Variants in BCKDHB observed in about 807,000 individuals in gnomAD.
The protein encoded by BCKDHB is 2-oxoisovalerate dehydrogenase subunit beta, mitochondrial.
Under a neutral mutation model 48.5 loss-of-function variants are expected in BCKDHB, and 41 were observed. That is an observed-to-expected ratio of 0.85 (90% CI 0.66 to 1.10). BCKDHB has a LOEUF of 1.10. BCKDHB is among the 50% of genes least tolerant of loss of function. The pLI is 0.00. For synonymous variants in BCKDHB, 201 were observed against 174.8 expected, an observed-to-expected ratio of 1.15 and a Z score of -1.18; for missense variants, 496 against 494.2, an observed-to-expected ratio of 1.00 and a Z score of -0.03.
the BCKDHB span, among the ~76,000 whole-genome samples, chr6:80,369,196 G>A: frequency 7.6e-5 from 11 of 144,214 alleles, no homozygotes; most frequent in African/African-American, 2.8e-4. Context: ...TCCCACTCTG[G>A]GTAGGCCATG....
At chr6:80,290,794 G>A (rs1766870324) in intron 9 of BCKDHB, among the ~76,000 whole-genome samples, 1 of 152,240 alleles carries the variant, frequency 6.6e-6, no homozygotes, top group African/African-American at 2.4e-5. Flanking sequence ...AGACAGAGCA[G>A]CCCCAAGGGC....
At chr6:80,361,893 C>T in the BCKDHB span, among the ~76,000 whole-genome samples, 3 of 152,142 alleles carry the variant, frequency 2.0e-5, no homozygotes, top group African/African-American at 4.8e-5. Context: ...AGAAAGAACA[C>T]GCATGGGAGA....
At chr6:80,425,691 T>A in the BCKDHB span, among the ~76,000 whole-genome samples, 1 of 152,198 alleles carries the variant, frequency 6.6e-6, no homozygotes, top group Non-Finnish European at 1.5e-5. Context: ...GTCTGCAAGG[T>A]TCTTACAACT....
chr6:80,203,109 T>C lies in BCKDHB; in HGVS notation c.848T>C (p.Val283Ala). 6.2e-7 allele frequency: 1 copy of C among 1,610,906 alleles called. No homozygotes were observed. Among genetic ancestry groups the C allele is most frequent in the Non-Finnish European group, 8.5e-7 (1 of 1,177,342 alleles). ...TTTTTCTCTTTATTTCAGGTTCATG[T>C]GATCCGAGAGGTAGCTTCCATGGCA... The part of the protein sequence containing the change: ...TLVAWGTQVH[V>A]IREVASMAKE... The change falls in exon 8 of 10, where the codon GTG becomes GCG. Residue 283 changes from valine to alanine, a missense_variant. By Grantham distance (64) the Val-to-Ala change is moderately conservative. Transcript: ENST00000320393.
chr6:80,150,969 GTTATA>G (rs1324524115), intron 3 of BCKDHB, among the ~76,000 whole-genome samples: 8 of 152,146 alleles, frequency 5.3e-5, no homozygotes, highest in African/African-American at 1.7e-4. Flanking sequence ...AAATGTCACT[GTTATA>G]TTATGCCATT....
chr6:80,439,179 G>A, the BCKDHB span, among the ~76,000 whole-genome samples: 1 of 152,122 alleles, frequency 6.6e-6, no homozygotes, highest in Non-Finnish European at 1.5e-5. Flanking sequence ...CTGCTAGAGA[G>A]GCTGAGAAAT....
At chr6:80,287,936 T>C (rs651314) in intron 9 of BCKDHB, among the ~76,000 whole-genome samples, 121,321 of 152,036 alleles carry the variant, frequency 0.8, 48,580 homozygotes, top group Admixed American at 0.87. Context: ...GAGGTTTCTT[T>C]GCCAGTAGCT....
At chr6:80,335,626 T>G (rs937349955) in intron 9 of BCKDHB, among the ~76,000 whole-genome samples, 12 of 152,110 alleles carry the variant, frequency 7.9e-5, no homozygotes, top group Admixed American at 5.9e-4. Context: ...ATAAAGAATT[T>G]AAATTTTAGA....
chr6:80,129,613 A>G (rs1253337541), intron 3 of BCKDHB, among the ~76,000 whole-genome samples: 1 of 149,614 alleles, frequency 6.7e-6, no homozygotes, highest in Non-Finnish European at 1.5e-5. Flanking sequence ...TCTTTTCGGG[A>G]AGAGAGAGAG....
At chr6:80,405,138 T>C in the BCKDHB span, among the ~76,000 whole-genome samples, 2 of 152,120 alleles carry the variant, frequency 1.3e-5, no homozygotes, top group Admixed American at 6.6e-5. Context: ...GTGGGGTATT[T>C]AAGTCCCCTA....
At chr6:80,254,167 T>C (rs1474552078) in intron 8 of BCKDHB, among the ~76,000 whole-genome samples, 1 of 151,644 alleles carries the variant, frequency 6.6e-6, no homozygotes, top group African/African-American at 2.4e-5. Context: ...TCTGGCTTCC[T>C]AGTATCCTAA....
chr6:80,212,730 T>C (rs1191339961), intron 8 of BCKDHB, among the ~76,000 whole-genome samples: 1 of 152,234 alleles, frequency 6.6e-6, no homozygotes, highest in African/African-American at 2.4e-5. Flanking sequence ...TCACAATTTA[T>C]GTTCCTGTGC....
rs145117239 is a variant in BCKDHB, at chr6:80,277,733, G to A, written c.1038+4512G>A. Among the ~76,000 whole-genome samples the A allele has an allele frequency of 4.0e-5, 6 of 150,528 alleles. No individual in the cohort carries two copies. The East Asian group carries it at 1.2e-3, about 29-fold the overall frequency. ...AGAGTCCAATTGGAGAGGATGGTAA[G>A]TTTCCATACCATTGTTACATCCTTT... is the stretch of plus-strand genomic sequence containing the variant. On this transcript the variant is annotated intron_variant, in intron 9 of 9. Coordinates refer to ENST00000320393, the MANE Select transcript of BCKDHB (RefSeq NM_183050.4).
At chr6:80,311,601 TG>T (rs1485705532) in intron 9 of BCKDHB, among the ~76,000 whole-genome samples, 1 of 152,226 alleles carries the variant, frequency 6.6e-6, no homozygotes, top group Admixed American at 6.5e-5. Context: ...AGTTGATTTT[TG>T]TATATTGTGT....
the BCKDHB span, among the ~76,000 whole-genome samples, chr6:80,378,509 G>C: frequency 6.6e-6 from 1 of 152,126 alleles, no homozygotes; most frequent in South Asian, 2.1e-4. Flanking sequence ...TATGTGTATA[G>C]AGAAAATGTG....
intron 9 of BCKDHB, among the ~76,000 whole-genome samples, chr6:80,281,285 T>G (rs1022660404): frequency 1.3e-5 from 2 of 151,888 alleles, no homozygotes; most frequent in Admixed American, 6.6e-5. Flanking sequence ...ACACCAACAT[T>G]TAAGAGAAAG....
At chr6:80,343,532 A>T in intron 9 of BCKDHB, 132 bp from the exon 10 acceptor site, 1 of 991,922 alleles carries the variant, frequency 1.0e-6, no homozygotes, top group Admixed American at 2.2e-5. Flanking sequence ...TTCATATTAC[A>T]GTATACTTAA....
rs142657683 is a variant in BCKDHB at position 80,205,628 on chromosome 6, G to A, written c.951+2416G>A. Among the ~76,000 whole-genome samples the A allele has an allele frequency of 3.0e-4, 46 of 152,136 alleles. No homozygotes were observed. In the East Asian group the frequency reaches 8.5e-3, roughly 28 times the overall value. ...GAGTCTTTGACTGTTGCTCAAGGGA[G>A]TTAAAAAATTAGAGACTTAAATGGT... is the stretch of plus-strand genomic sequence containing the variant. On this transcript the variant is annotated intron_variant, in intron 8 of 9. Transcript: ENST00000320393.
At position 80,205,473 on chromosome 6, in the gene BCKDHB, T is replaced by G. The variant is rs150766564; in HGVS notation, c.951+2261T>G. On this transcript the variant is annotated intron_variant, in intron 8 of 9. Coordinates refer to ENST00000320393, the MANE Select transcript of BCKDHB (RefSeq NM_183050.4). ...GCAAAAACGATTCGTTGAACACACA[T>G]TATCATACTCTATACACTAAAATGC... Among the ~76,000 whole-genome samples, 1,344 of 152,098 alleles carry G rather than the reference T, an allele frequency of 8.8e-3. 22 individuals are homozygous for G. The highest frequency in any genetic ancestry group is 0.03 in the African/African-American group (1,231 of 41,504).
Sources: allele counts gnomAD v4.1 joint callset (sites outside exome capture counted in the v4.1 genomes callset), GRCh38; gene constraint gnomAD v4.1.1; transcripts MANE v1.5; gene names NCBI Gene and HGNC (gene_info 2026-07-23, HGNC 2026-07-21).